DPYD: variants seen among roughly 807,000 people sequenced by gnomAD.
DPYD encodes the protein dihydropyrimidine dehydrogenase.
Under a neutral mutation model 116.2 loss-of-function variants are expected in DPYD, and 109 were observed. The observed-to-expected ratio is 0.94, with a 90% CI of 0.80 to 1.10. DPYD has a LOEUF of 1.10. DPYD is among the 50% of genes least tolerant of loss of function. DPYD has a pLI of 0.00. For missense variants in DPYD, 1,302 were observed against 1,254.5 expected, an observed-to-expected ratio of 1.04 and a Z score of -0.57; for synonymous variants, 440 against 432.0, an observed-to-expected ratio of 1.02 and a Z score of -0.23.
At chr1:97,110,935 A>T (rs1651546798) in intron 20 of DPYD, among the ~76,000 whole-genome samples, 1 of 152,012 alleles carries the variant, frequency 6.6e-6, no homozygotes, top group Admixed American at 6.6e-5. Flanking sequence ...TCATAGGCTG[A>T]GGCGGGAGGA....
intron 11 of DPYD, among the ~76,000 whole-genome samples, chr1:97,570,061 T>A (rs1652787120): frequency 6.6e-6 from 1 of 152,020 alleles, no homozygotes; most frequent in Admixed American, 6.6e-5. Context: ...TATCATTTTA[T>A]GATAGGGAAT....
intron 1 of DPYD, among the ~76,000 whole-genome samples, chr1:97,917,995 A>G (rs1316137210): frequency 1.3e-5 from 2 of 152,162 alleles, no homozygotes; most frequent in Non-Finnish European, 2.9e-5. Flanking sequence ...AAAGTGACCA[A>G]TGTCCAATAC....
intron 13 of DPYD, among the ~76,000 whole-genome samples, chr1:97,488,518 A>G (rs1402813121): frequency 6.6e-6 from 1 of 152,192 alleles, no homozygotes; most frequent in African/African-American, 2.4e-5. Context: ...TTTAATCTGT[A>G]CTTCATAAGC....
At chr1:97,208,174 CTT>C (rs1659781510) in intron 19 of DPYD, among the ~76,000 whole-genome samples, 1 of 150,912 alleles carries the variant, frequency 6.6e-6, no homozygotes, top group African/African-American at 2.4e-5. Context: ...CTTTTCTTTT[CTT>C]TCTTTCTTTT....
chr1:97,227,105 T>A (rs998748556), intron 19 of DPYD, among the ~76,000 whole-genome samples: 1 of 151,776 alleles, frequency 6.6e-6, no homozygotes, highest in East Asian at 1.9e-4. Flanking sequence ...AGTGGGTGGA[T>A]CACAAGGTCA....
intron 16 of DPYD, among the ~76,000 whole-genome samples, chr1:97,320,519 C>T (rs77741362): frequency 0.048 from 2,116 of 44,512 alleles, 21 homozygotes; most frequent in Non-Finnish European, 0.058. Context: ...AGGAATCCAA[C>T]TTACAAGGGA....
intron 16 of DPYD, among the ~76,000 whole-genome samples, chr1:97,360,078 C>A (rs192874947): frequency 7.6e-4 from 115 of 152,040 alleles, no homozygotes; most frequent in African/African-American, 2.7e-3. Flanking sequence ...TGCAAAGACA[C>A]ACATAGGCTC....
intron 20 of DPYD, among the ~76,000 whole-genome samples, chr1:97,157,813 G>A (rs1655585023): frequency 6.6e-6 from 1 of 151,898 alleles, no homozygotes; most frequent in South Asian, 2.1e-4. Context: ...CTTTACTTTT[G>A]ACACTTTTAT....
At chr1:97,579,250 T>C (rs1415142173) in intron 10 of DPYD, among the ~76,000 whole-genome samples, 3 of 152,198 alleles carry the variant, frequency 2.0e-5, no homozygotes, top group African/African-American at 7.2e-5. Context: ...ATCAAAATGA[T>C]TGGCACACAG....
At chr1:97,781,128 T>C (rs1666720299) in intron 3 of DPYD, among the ~76,000 whole-genome samples, 1 of 152,206 alleles carries the variant, frequency 6.6e-6, no homozygotes. Context: ...TACACTGCTA[T>C]GGTTGGCTAA....
At chr1:97,468,390 C>A (rs1570782884) in intron 13 of DPYD, among the ~76,000 whole-genome samples, 1 of 152,116 alleles carries the variant, frequency 6.6e-6, no homozygotes, top group East Asian at 1.9e-4. Context: ...AGGGTGGGGT[C>A]CTCATGGATC....
rs569473193 is a variant in DPYD at position 97,558,999 on chromosome 1, A to G, written c.1340-9255T>C. On this transcript the variant is annotated intron_variant, in intron 11 of 22. Coordinates refer to ENST00000370192, the MANE Select transcript of DPYD (RefSeq NM_000110.4). ...ACTTTGATTTGCTTATTTATATTCA[A>G]TGATACCATCTCTTTAAGACTGCAA... is the stretch of plus-strand genomic sequence containing the variant. Among the ~76,000 whole-genome samples the G allele has an allele frequency of 2.6e-5, 4 of 152,262 alleles. No individual in the cohort carries two copies. The East Asian group carries it at 7.7e-4, about 29-fold the overall frequency.
At chr1:97,220,287 C>T (rs1660696720) in intron 19 of DPYD, among the ~76,000 whole-genome samples, 1 of 152,296 alleles carries the variant, frequency 6.6e-6, no homozygotes, top group South Asian at 2.1e-4. Context: ...GCACAGGCCC[C>T]TCATCATGTG....
At chr1:97,348,401 TGTTGCATTCTACAAAAGAAACA>T (rs1669966722) in intron 16 of DPYD, among the ~76,000 whole-genome samples, 1 of 152,200 alleles carries the variant, frequency 6.6e-6, no homozygotes, top group Non-Finnish European at 1.5e-5. Flanking sequence ...TATCTGAGAT[TGTTGCATTCTACAAAAGAAACA>T]GTTAACTACT....
chr1:97,397,408 C>A (rs1171860513), intron 14 of DPYD, among the ~76,000 whole-genome samples: 1 of 152,016 alleles, frequency 6.6e-6, no homozygotes. Context: ...TTCACTCTTG[C>A]TGTTACACAT....
At chr1:97,423,293 T>A (rs1169831386) in intron 14 of DPYD, among the ~76,000 whole-genome samples, 2 of 152,112 alleles carry the variant, frequency 1.3e-5, no homozygotes, top group Admixed American at 1.3e-4. Flanking sequence ...TTCAAGTCTT[T>A]GAGTAACCAC....
chr1:97,260,825 T>C lies in DPYD; in HGVS notation c.2300-25831A>G, dbSNP rs541938606. Among the ~76,000 whole-genome samples, 5 of 152,184 alleles carry C rather than the reference T, an allele frequency of 3.3e-5. No homozygotes were observed. In the South Asian group the frequency reaches 1.0e-3, roughly 32 times the overall value. ...GCAGACTGAACATAACTATATAATG[T>C]ACGAAATCTAAATGCCAGGGGAATG... On this transcript the variant is annotated intron_variant, in intron 18 of 22. Coordinates refer to ENST00000370192, the MANE Select transcript of DPYD (RefSeq NM_000110.4).
At position 97,195,676 on chromosome 1, in the gene DPYD, A is replaced by G. The variant is rs1290052123; in HGVS notation, c.2443-2428T>C. 8.3e-4 allele frequency among the ~76,000 whole-genome samples: 58 copies of G among 69,918 alleles called. 2 individuals carry two copies. Among genetic ancestry groups the G allele is most frequent in the Admixed American group, 2.1e-3 (12 of 5,604 alleles). 45.9% of individuals were successfully genotyped at this position (69,918 alleles called of 152,430 possible). On this transcript the variant is annotated intron_variant, in intron 19 of 22. Transcript: ENST00000370192. Reference sequence around the variant, plus strand: ...TATATATATATATATATATATATATATATATATATATATGCCTAGGAGTTC... The same window carrying G: ...TATATATATATATATATATATATATGTATATATATATATGCCTAGGAGTTC...
At chr1:97,093,148 A>T (rs1055579031) in intron 21 of DPYD, among the ~76,000 whole-genome samples, 1 of 152,166 alleles carries the variant, frequency 6.6e-6, no homozygotes, top group Non-Finnish European at 1.5e-5. Flanking sequence ...TATGTAGCTC[A>T]TATCAAAAAA....
Sources: allele counts gnomAD v4.1 joint callset (sites outside exome capture counted in the v4.1 genomes callset), GRCh38; gene constraint gnomAD v4.1.1; transcripts MANE v1.5; gene names NCBI Gene and HGNC (gene_info 2026-07-23, HGNC 2026-07-21).